Variants in PCBP3 observed in about 807,000 individuals in gnomAD.
PCBP3 encodes poly(rC)-binding protein 3.
In PCBP3, 25 loss-of-function variants were observed where a neutral mutation model predicts 52.7. That is an observed-to-expected ratio of 0.47 (90% CI 0.35 to 0.66). The LOEUF (loss-of-function observed/expected upper bound fraction) is 0.66. Ranked by LOEUF, PCBP3 falls within the 30% of genes least tolerant of loss-of-function variation. The pLI is 0.01. For missense variants in PCBP3, 391 were observed against 490.3 expected, an observed-to-expected ratio of 0.80 and a Z score of 1.91; for synonymous variants, 162 against 183.0, an observed-to-expected ratio of 0.89 and a Z score of 0.93.
At chr21:45,935,221 C>T in intron 15 of PCBP3, 32 bp from the exon 16 acceptor site, 2 of 1,563,890 alleles carry the variant, frequency 1.3e-6, no homozygotes, top group Non-Finnish European at 1.8e-6. Flanking sequence ...CAGCCTTCCA[C>T]CAGCCTAACC....
At chr21:45,846,843 G>C (rs1262854054) in intron 4 of PCBP3, among the ~76,000 whole-genome samples, 1 of 152,200 alleles carries the variant, frequency 6.6e-6, no homozygotes, top group South Asian at 2.1e-4. Context: ...CTGGCCTCAC[G>C]TGCTTCTGCT....
intron 1 of PCBP3, among the ~76,000 whole-genome samples, chr21:45,654,693 C>T (rs60039996): frequency 6.6e-6 from 1 of 152,140 alleles, no homozygotes; most frequent in Non-Finnish European, 1.5e-5. Context: ...TTAACAAATT[C>T]TTTCAATTTA....
chr21:45,786,388 T>C (rs2091163416), intron 4 of PCBP3, among the ~76,000 whole-genome samples: 1 of 152,042 alleles, frequency 6.6e-6, no homozygotes. Flanking sequence ...CCTCCTGGGT[T>C]CAAGCGATTC....
At chr21:45,715,541 T>C (rs2084158169) in intron 2 of PCBP3, among the ~76,000 whole-genome samples, 1 of 152,214 alleles carries the variant, frequency 6.6e-6, no homozygotes, top group African/African-American at 2.4e-5. Flanking sequence ...CCCTGAGAAA[T>C]GGGAATGAAA....
intron 2 of PCBP3, among the ~76,000 whole-genome samples, chr21:45,693,187 G>T (rs1366078266): frequency 6.6e-6 from 1 of 152,044 alleles, no homozygotes; most frequent in African/African-American, 2.4e-5. Flanking sequence ...CATACTCAAA[G>T]GTGAAATAGT....
chr21:45,711,593 G>A (rs2083843892), intron 2 of PCBP3, among the ~76,000 whole-genome samples: 1 of 152,164 alleles, frequency 6.6e-6, no homozygotes, highest in South Asian at 2.1e-4. Flanking sequence ...AGAGTACAGT[G>A]CTTATGTACT....
intron 4 of PCBP3, among the ~76,000 whole-genome samples, chr21:45,771,670 G>A (rs1243998091): frequency 6.6e-6 from 1 of 152,164 alleles, no homozygotes; most frequent in Non-Finnish European, 1.5e-5. Context: ...GATGGCGCAA[G>A]ACTGAATACT....
intron 2 of PCBP3, among the ~76,000 whole-genome samples, chr21:45,711,963 A>G (rs748035436): frequency 2.0e-5 from 3 of 152,166 alleles, no homozygotes. Context: ...ATAATCACTG[A>G]TCTGTCAACC....
chr21:45,820,831 G>A (rs999037802), intron 4 of PCBP3, among the ~76,000 whole-genome samples: 12 of 152,068 alleles, frequency 7.9e-5, no homozygotes, highest in African/African-American at 2.4e-4. Flanking sequence ...TTTCATCCTT[G>A]CAGCAGACAG....
chr21:45,785,376 C>A (rs534560368), intron 4 of PCBP3, among the ~76,000 whole-genome samples: 2 of 145,892 alleles, frequency 1.4e-5, no homozygotes, highest in Admixed American at 6.7e-5. Context: ...CCGCCCCATC[C>A]GGGAGGTGAG....
At chr21:45,654,464 C>T (rs887663196) in intron 1 of PCBP3, among the ~76,000 whole-genome samples, 2 of 150,974 alleles carry the variant, frequency 1.3e-5, no homozygotes, top group Admixed American at 1.3e-4. Context: ...CCTCAGCCTT[C>T]CCAGTAGCTG....
intron 4 of PCBP3, among the ~76,000 whole-genome samples, chr21:45,794,129 A>G (rs1404596813): frequency 4.6e-5 from 7 of 152,216 alleles, no homozygotes; most frequent in Admixed American, 4.6e-4. Flanking sequence ...ACTAAACTTC[A>G]GGGTTTTTTT....
At chr21:45,790,077 T>C (rs2091437312) in intron 4 of PCBP3, among the ~76,000 whole-genome samples, 1 of 152,020 alleles carries the variant, frequency 6.6e-6, no homozygotes, top group African/African-American at 2.4e-5. Context: ...GAGGCGGAGC[T>C]TGCAGTGAGC....
At chr21:45,765,862 C>G (rs755597315) in intron 4 of PCBP3, among the ~76,000 whole-genome samples, 1 of 152,170 alleles carries the variant, frequency 6.6e-6, no homozygotes, top group African/African-American at 2.4e-5. Flanking sequence ...TTCCTGAGAA[C>G]GGGGAAGGCT....
At chr21:45,692,513 G>C (rs142575546) in intron 2 of PCBP3, among the ~76,000 whole-genome samples, 1 of 152,136 alleles carries the variant, frequency 6.6e-6, no homozygotes, top group Non-Finnish European at 1.5e-5. Context: ...TTTAGCCAGC[G>C]TATTAAACAA....
intron 5 of PCBP3, among the ~76,000 whole-genome samples, chr21:45,873,880 C>T (rs117818552): frequency 0.01 from 1,572 of 152,368 alleles, 23 homozygotes; most frequent in Non-Finnish European, 0.012. Context: ...ACTATACCCT[C>T]CACCTCCCAG....
intron 4 of PCBP3, among the ~76,000 whole-genome samples, chr21:45,803,797 TC>T (rs2092395966): frequency 6.6e-6 from 1 of 152,170 alleles, no homozygotes; most frequent in Non-Finnish European, 1.5e-5. Flanking sequence ...GAACATGGCT[TC>T]CCCGTGGCCT....
intron 4 of PCBP3, among the ~76,000 whole-genome samples, chr21:45,785,529 C>G (rs1003152306): frequency 6.6e-6 from 1 of 150,540 alleles, no homozygotes; most frequent in Non-Finnish European, 1.5e-5. Flanking sequence ...AGCCCCCCGC[C>G]CGGCCAGCCG....
At chr21:45,758,733 C>A (rs549650193) in intron 4 of PCBP3, among the ~76,000 whole-genome samples, 1 of 151,776 alleles carries the variant, frequency 6.6e-6, no homozygotes, top group Admixed American at 6.6e-5. Context: ...CTCTTTATTT[C>A]TTTTACTTCT....
Sources: gnomAD v4.1 joint callset for allele counts (sites outside exome capture counted in the v4.1 genomes callset) on GRCh38, gnomAD v4.1.1 for gene constraint, MANE v1.5 for transcripts, NCBI Gene and HGNC (gene_info 2026-07-23, HGNC 2026-07-21) for gene names.